NSF: variants seen among roughly 807,000 people sequenced by gnomAD.
The protein encoded by NSF is vesicle-fusing ATPase.
Under a neutral mutation model 50.3 loss-of-function variants are expected in NSF, and 14 were observed. That is an observed-to-expected ratio of 0.28 (90% confidence interval 0.18 to 0.44). The LOEUF (loss-of-function observed/expected upper bound fraction) is 0.44. Among genes scored for constraint, NSF ranks in the 20% least tolerant of loss-of-function variants. The probability of loss-of-function intolerance (pLI) is 1.00; values close to 1 mark genes in which losing one functional copy is unlikely to be tolerated. For missense variants in NSF, 218 were observed against 504.3 expected (o/e 0.43, Z 5.44); for synonymous variants, 109 against 175.7 (o/e 0.62, Z 3.00).
intron 12 of NSF, 76 bp from the exon 13 acceptor site, chr17:46,704,683 C>T (rs939399738): frequency 5.7e-5 from 87 of 1,533,620 alleles, no homozygotes; most frequent in Admixed American, 9.2e-5. Context: ...TCAAGAGTTA[C>T]GTTCTTAAAC....
chr17:46,746,973 T>C (rs1338934931), intron 17 of NSF, among the ~76,000 whole-genome samples: 2 of 152,184 alleles, frequency 1.3e-5, no homozygotes, highest in Non-Finnish European at 2.9e-5. Flanking sequence ...TTGACTCCAG[T>C]ATGCTGGCAA....
At chr17:46,737,998 A>C (rs933136079) in intron 17 of NSF, among the ~76,000 whole-genome samples, 1 of 151,856 alleles carries the variant, frequency 6.6e-6, no homozygotes, top group South Asian at 2.1e-4. Flanking sequence ...GCAGTGACGC[A>C]GTCTCAATCA....
At chr17:46,724,230 C>G (rs568251280) in intron 15 of NSF, among the ~76,000 whole-genome samples, 1 of 152,146 alleles carries the variant, frequency 6.6e-6, no homozygotes, top group Non-Finnish European at 1.5e-5. Flanking sequence ...TCCTGACTCC[C>G]TAAGTCCATT....
intron 15 of NSF, among the ~76,000 whole-genome samples, chr17:46,714,800 C>T (rs191811592): frequency 4.4e-4 from 67 of 152,076 alleles, no homozygotes; most frequent in Admixed American, 4.1e-3. Flanking sequence ...TTTTTTCATG[C>T]TTGATCTTTT....
intron 1 of NSF, among the ~76,000 whole-genome samples, chr17:46,598,716 A>T (rs568711121): frequency 1.6e-4 from 25 of 152,320 alleles, no homozygotes; most frequent in African/African-American, 6.0e-4. Flanking sequence ...CTTTGTTTAG[A>T]AACCTAGTCA....
At position 46,610,041 on chromosome 17, in the gene NSF, C is replaced by CTCTCTCTT. The variant is rs545055767; in HGVS notation, c.13-14200_13-14199insCTCTTTCT. Among the ~76,000 whole-genome samples the CTCTCTCTT allele has an allele frequency of 5.8e-3, 691 of 118,538 alleles. 18 individuals are homozygous for CTCTCTCTT. Among genetic ancestry groups the CTCTCTCTT allele is most frequent in the African/African-American group, 9.9e-3 (321 of 32,364 alleles). The allele number at this position is 118,538 out of a possible 152,430, so 77.8% of individuals were successfully genotyped here. A position where few individuals can be genotyped will look rare whatever the true frequency, so the allele number is the denominator to read the frequency against. On this transcript the variant is annotated intron_variant, in intron 1 of 20. Transcript: ENST00000398238. ...TCTTTCTTTCTTTCTCTCTCTCTCT[C>CTCTCTCTT]TCTTTCTTTCTTTCTTTCTTTCTTT...
chr17:46,718,681 AC>A (rs1438564744), intron 15 of NSF, among the ~76,000 whole-genome samples: 4 of 152,142 alleles, frequency 2.6e-5, no homozygotes, highest in African/African-American at 9.7e-5. Context: ...CGGCCGAATG[AC>A]CTTGGATATG....
In NSF at chr17:46,745,945, A is replaced by G. The variant is rs1199020222; in HGVS notation, c.1909-3828A>G. Among the ~76,000 whole-genome samples, 3 of 152,094 alleles carry G rather than the reference A, an allele frequency of 2.0e-5. No homozygotes were observed. In the East Asian group the frequency reaches 5.8e-4, roughly 29 times the overall value. On this transcript the variant is annotated intron_variant, in intron 17 of 20. Coordinates refer to ENST00000398238, the MANE Select transcript of NSF (RefSeq NM_006178.4). ...GGTATTTCTGTTCCTCTGGCTTAGA[A>G]TGTCCTTCCCCTTCATCTTCCTAAT...
chr17:46,679,093 A>G (rs1413518795), intron 9 of NSF, among the ~76,000 whole-genome samples: 3 of 152,086 alleles, frequency 2.0e-5, no homozygotes, highest in South Asian at 2.1e-4. Context: ...TTAACAACAC[A>G]TGCTTGGGTG....
intron 17 of NSF, among the ~76,000 whole-genome samples, chr17:46,739,842 G>C (rs770817148): frequency 2.0e-5 from 3 of 151,878 alleles, no homozygotes; most frequent in Admixed American, 6.6e-5. Context: ...GGGACTACAG[G>C]CGCACACCAC....
At chr17:46,754,133 T>C (rs989313923) in intron 19 of NSF, among the ~76,000 whole-genome samples, 1 of 148,038 alleles carries the variant, frequency 6.8e-6, no homozygotes, top group Non-Finnish European at 1.5e-5. Context: ...CAACTACAAC[T>C]GCGCTCCAGC....
At chr17:46,602,690 C>A (rs948032351) in intron 1 of NSF, among the ~76,000 whole-genome samples, 2 of 141,034 alleles carry the variant, frequency 1.4e-5, no homozygotes, top group African/African-American at 5.5e-5. Context: ...ATGAAACTAC[C>A]AATTATCACT....
chr17:46,734,378 G>T (rs2058979688), intron 17 of NSF, among the ~76,000 whole-genome samples: 1 of 151,882 alleles, frequency 6.6e-6, no homozygotes, highest in Admixed American at 6.6e-5. Flanking sequence ...TTTGCATTGG[G>T]CTTCATTTCT....
intron 14 of NSF, among the ~76,000 whole-genome samples, chr17:46,712,697 C>T (rs148636169): frequency 2.3e-4 from 35 of 152,170 alleles, no homozygotes; most frequent in Admixed American, 2.2e-3. Context: ...AAATCACTTA[C>T]AGTGAGGGTG....
At chr17:46,755,722 ATTT>A (rs71138549) in intron 20 of NSF, 77 bp from the exon 21 acceptor site, 28,549 of 1,023,994 alleles carry the variant, frequency 0.028, 2 homozygotes, top group East Asian at 0.19. Context: ...GCTTTTAGTG[ATTT>A]TTTTTTTTTT....
In NSF at chr17:46,635,806, T is replaced by TGTGC. The variant is rs1453904864; in HGVS notation, c.239-1567_239-1566insCGTG. On this transcript the variant is annotated intron_variant, in intron 4 of 20. Coordinates refer to ENST00000398238, the MANE Select transcript of NSF (RefSeq NM_006178.4). ...GTGTGTGTGTGTGTGTGTGTGTGTGTGTGTGTGTGTGTGCTCGTGTGTGAA... is the reference window on the plus strand; with the variant it reads ...GTGTGTGTGTGTGTGTGTGTGTGTGTGTGCGTGTGTGTGTGTGCTCGTGTGTGAA... Among the ~76,000 whole-genome samples, 8 of 141,386 alleles carry TGTGC rather than the reference T, an allele frequency of 5.7e-5. 1 individual carries two copies. The highest frequency in any genetic ancestry group is 2.1e-4 in the African/African-American group (8 of 38,244). 92.8% of individuals were successfully genotyped at this position (141,386 alleles called of 152,430 possible).
Position 46,755,988 on chromosome 17 carries a change from C to A in NSF, c.*165C>A. Reference sequence around the variant, plus strand: ...GTGCAATAAAACTCCCTTCCTTATGCATACTGAGATAGCTTAGTGTCTCGT... The same window carrying A: ...GTGCAATAAAACTCCCTTCCTTATGAATACTGAGATAGCTTAGTGTCTCGT... On this transcript the variant is annotated 3_prime_UTR_variant, in exon 21 of 21. Transcript: ENST00000398238. 1.6e-6 allele frequency: 1 copy of A among 639,072 alleles called. No homozygotes were observed. Among genetic ancestry groups the A allele is most frequent in the Non-Finnish European group, 2.6e-6 (1 of 377,912 alleles). 39.6% of individuals were successfully genotyped at this position (639,072 alleles called of 1,614,324 possible).
In NSF at chr17:46,728,157, C is replaced by T. The variant is rs140601493; in HGVS notation, c.1829-698C>T. Among the ~76,000 whole-genome samples, 291 of 152,208 alleles carry T rather than the reference C, an allele frequency of 1.9e-3. 2 individuals carry two copies. The highest frequency in any genetic ancestry group is 1.3e-3 in the Non-Finnish European group (91 of 68,012). On this transcript the variant is annotated intron_variant, in intron 16 of 20. Transcript: ENST00000398238. ...GAGAAAGCTAAGCAGGTGGCATTTACGCTGAATCTTGAATTATTGGTAAAT... is the reference window on the plus strand; with the variant it reads ...GAGAAAGCTAAGCAGGTGGCATTTATGCTGAATCTTGAATTATTGGTAAAT...
intron 4 of NSF, among the ~76,000 whole-genome samples, chr17:46,631,082 A>ACACACACACACACACACACACATG (rs2058133456): frequency 7.0e-6 from 1 of 142,080 alleles, no homozygotes; most frequent in East Asian, 2.2e-4. Context: ...ACACACACAC[A>ACACACACACACACACACACACATG]CACACACACA....
Sources: allele counts gnomAD v4.1 joint callset (sites outside exome capture counted in the v4.1 genomes callset), GRCh38; gene constraint gnomAD v4.1.1; transcripts MANE v1.5; gene names NCBI Gene and HGNC (gene_info 2026-07-23, HGNC 2026-07-21).